Variants in PBLD observed in about 807,000 individuals in gnomAD.
PBLD encodes the protein phenazine biosynthesis like protein domain containing, also known as phenazine biosynthesis-like domain-containing protein.
Under a neutral mutation model 31.3 loss-of-function variants are expected in PBLD, and 26 were observed. That is an observed-to-expected ratio of 0.83 (90% CI 0.61 to 1.15). The LOEUF is 1.15. Ranked by LOEUF, PBLD falls within the 50% of genes most tolerant of loss-of-function variation. The probability of loss-of-function intolerance (pLI) is 0.00; values close to 1 mark genes in which losing one functional copy is unlikely to be tolerated. For missense variants in PBLD, 307 were observed against 351.7 expected, an observed-to-expected ratio of 0.87 and a Z score of 1.02; for synonymous variants, 114 against 129.0, an observed-to-expected ratio of 0.88 and a Z score of 0.79.
At chr10:68,317,321 T>G (rs1226855779) in intron 1 of PBLD, among the ~76,000 whole-genome samples, 2 of 152,160 alleles carry the variant, frequency 1.3e-5, no homozygotes, top group Non-Finnish European at 2.9e-5. Flanking sequence ...TGGGAGTCCT[T>G]CAGGCTAAGA....
At chr10:68,290,812 C>T (rs1425667068) in intron 6 of PBLD, among the ~76,000 whole-genome samples, 1 of 152,196 alleles carries the variant, frequency 6.6e-6, no homozygotes, top group Admixed American at 6.5e-5. Context: ...TTTGTTATCC[C>T]ATTTAATAAA....
At chr10:68,329,317 A>AAGCC (rs1158008006) in intron 1 of PBLD, among the ~76,000 whole-genome samples, 2 of 152,222 alleles carry the variant, frequency 1.3e-5, no homozygotes, top group East Asian at 3.8e-4. Context: ...GCAAGCAAGC[A>AAGCC]AGCAAGCAAG....
At chr10:68,308,737 C>T (rs1458188550) in intron 1 of PBLD, among the ~76,000 whole-genome samples, 3 of 149,910 alleles carry the variant, frequency 2.0e-5, no homozygotes, top group Non-Finnish European at 4.4e-5. Context: ...GACAGGGTTT[C>T]GCCATGTTGG....
chr10:68,289,663 T>TCACACACA (rs1183126379), intron 6 of PBLD, among the ~76,000 whole-genome samples: 12,970 of 136,322 alleles, frequency 0.095, 764 homozygotes, highest in Non-Finnish European at 0.11. Flanking sequence ...AGGCCAAAGA[T>TCACACACA]CACACACACA....
intron 2 of PBLD, among the ~76,000 whole-genome samples, chr10:68,299,901 T>A (rs7919835): frequency 0.79 from 119,434 of 151,614 alleles, 47,689 homozygotes; most frequent in Non-Finnish European, 0.86. Flanking sequence ...ATAAGCTTTT[T>A]TTTTTTTGAG....
intron 8 of PBLD, 28 bp downstream of exon 8, chr10:68,288,455 C>T (rs369320948): frequency 5.8e-5 from 93 of 1,606,222 alleles, no homozygotes; most frequent in Non-Finnish European, 7.6e-5. Context: ...CATTGTTTAA[C>T]CCTCCCCTGG....
intron 2 of PBLD, among the ~76,000 whole-genome samples, chr10:68,305,431 G>T (rs1011645778): frequency 6.6e-6 from 1 of 151,318 alleles, no homozygotes; most frequent in Non-Finnish European, 1.5e-5. Flanking sequence ...CATCATGATT[G>T]CACACTGGAA....
intron 1 of PBLD, among the ~76,000 whole-genome samples, chr10:68,309,179 G>C (rs1338461807): frequency 1.3e-5 from 2 of 149,832 alleles, no homozygotes; most frequent in Non-Finnish European, 3.0e-5. Flanking sequence ...GCCAAGGCAG[G>C]CAGATCACTT....
chr10:68,306,315 G>T (rs765702589), intron 2 of PBLD, among the ~76,000 whole-genome samples: 1 of 152,008 alleles, frequency 6.6e-6, no homozygotes, highest in East Asian at 1.9e-4. Context: ...CTTGCAAAAT[G>T]TCTCATTTTC....
chr10:68,327,075 A>C (rs974324953), intron 1 of PBLD, among the ~76,000 whole-genome samples: 4 of 152,036 alleles, frequency 2.6e-5, no homozygotes, highest in African/African-American at 4.8e-5. Flanking sequence ...TAAAAAAAAA[A>C]CTGGGGTTCA....
At chr10:68,322,962 A>T (rs1341433082) in intron 1 of PBLD, among the ~76,000 whole-genome samples, 1 of 151,926 alleles carries the variant, frequency 6.6e-6, no homozygotes, top group Non-Finnish European at 1.5e-5. Flanking sequence ...TCTGGTCTCA[A>T]ACTCCTGGTC....
At chr10:68,309,548 G>A (rs1466466694) in intron 1 of PBLD, among the ~76,000 whole-genome samples, 10 of 149,268 alleles carry the variant, frequency 6.7e-5, no homozygotes, top group Non-Finnish European at 1.0e-4. Context: ...GGTGGCTCAC[G>A]TCTGTAATCC....
At position 68,332,774 on chromosome 10, in the gene PBLD, G is replaced by T. The variant is rs1277822315; in HGVS notation, c.-60+10C>A. ...CGGCCTCCCTTCCTCCGCAGTCTCG[G>T]CAGGGCTACCTGGGCTGACGGGACT... On this transcript the variant is annotated intron_variant, in intron 1 of 9. Transcript: ENST00000358769. The T allele has an allele frequency of 6.6e-6, 1 of 152,302 alleles. No individual in the cohort carries two copies. Among genetic ancestry groups the T allele is most frequent in the African/African-American group, 2.4e-5 (1 of 41,466 alleles). 9.4% of individuals were successfully genotyped at this position (152,302 alleles called of 1,614,324 possible).
At chr10:68,300,133 C>T (rs999629406) in intron 2 of PBLD, among the ~76,000 whole-genome samples, 9 of 152,018 alleles carry the variant, frequency 5.9e-5, no homozygotes, top group Admixed American at 4.6e-4. Flanking sequence ...TCAGGCAATG[C>T]GCCCATATTG....
intron 2 of PBLD, among the ~76,000 whole-genome samples, chr10:68,299,802 G>A (rs532695971): frequency 7.2e-5 from 11 of 152,146 alleles, no homozygotes; most frequent in East Asian, 1.9e-4. Context: ...GCAGTGAGCC[G>A]AGATCATGCC....
intron 1 of PBLD, among the ~76,000 whole-genome samples, chr10:68,315,220 A>C (rs2044721773): frequency 6.6e-6 from 1 of 152,226 alleles, no homozygotes; most frequent in African/African-American, 2.4e-5. Flanking sequence ...GATAATAGCT[A>C]AGGCAAATGA....
chr10:68,326,569 GTACT>G (rs1287956813), intron 1 of PBLD, among the ~76,000 whole-genome samples: 1 of 152,160 alleles, frequency 6.6e-6, no homozygotes, highest in Non-Finnish European at 1.5e-5. Flanking sequence ...TTAGGATACT[GTACT>G]TACTTTAAAA....
At chr10:68,303,066 A>ATTTATTTG (rs1196398450) in intron 2 of PBLD, among the ~76,000 whole-genome samples, 14 of 151,134 alleles carry the variant, frequency 9.3e-5, no homozygotes, top group African/African-American at 3.4e-4. Flanking sequence ...TTATTTATTT[A>ATTTATTTG]TTTATTTATT....
At chr10:68,308,237 T>C (rs535092726) in intron 1 of PBLD, among the ~76,000 whole-genome samples, 9 of 152,372 alleles carry the variant, frequency 5.9e-5, no homozygotes, top group African/African-American at 1.9e-4. Flanking sequence ...AATACGTTTA[T>C]GGATATGCTA....
Sources: allele counts gnomAD v4.1 joint callset (sites outside exome capture counted in the v4.1 genomes callset), GRCh38; gene constraint gnomAD v4.1.1; transcripts MANE v1.5; gene names NCBI Gene and HGNC (gene_info 2026-07-23, HGNC 2026-07-21).